CDH20: variants seen among roughly 807,000 people sequenced by gnomAD.
The protein encoded by CDH20 is cadherin-20.
A neutral mutation model predicts 74.2 loss-of-function variants in CDH20; 29 were observed. The observed-to-expected ratio is 0.39, with a 90% confidence interval of 0.29 to 0.53. The LOEUF (loss-of-function observed/expected upper bound fraction) is 0.53. Ranked by LOEUF, CDH20 falls within the 20% of genes least tolerant of loss-of-function variation. The probability of loss-of-function intolerance (pLI) is 0.69; values close to 1 mark genes in which losing one functional copy is unlikely to be tolerated. For synonymous variants in CDH20, 469 were observed against 405.4 expected, an observed-to-expected ratio of 1.16 and a Z score of -1.88; for missense variants, 988 against 1,048.3, an observed-to-expected ratio of 0.94 and a Z score of 0.79.
At chr18:61,549,230 C>T (rs1913351238) in intron 10 of CDH20, among the ~76,000 whole-genome samples, 2 of 152,228 alleles carry the variant, frequency 1.3e-5, no homozygotes, top group Non-Finnish European at 2.9e-5. Flanking sequence ...CACACACATA[C>T]ACATCCCAAC....
chr18:61,453,513 T>G (rs1358854101), intron 1 of CDH20, among the ~76,000 whole-genome samples: 1 of 152,096 alleles, frequency 6.6e-6, no homozygotes, highest in Non-Finnish European at 1.5e-5. Flanking sequence ...ACTCCTGACC[T>G]CGTGATCCGC....
intron 1 of CDH20, among the ~76,000 whole-genome samples, chr18:61,401,753 T>C (rs1451502003): frequency 2.6e-5 from 4 of 152,214 alleles, no homozygotes; most frequent in Admixed American, 1.3e-4. Context: ...AAACACAGCA[T>C]ACTTGAGCAA....
intron 1 of CDH20, among the ~76,000 whole-genome samples, chr18:61,470,112 G>C (rs1242578657): frequency 1.3e-5 from 2 of 152,056 alleles, no homozygotes; most frequent in African/African-American, 2.4e-5. Context: ...CTCTGCCGGC[G>C]GTCTGTGTGT....
In CDH20 at chr18:61,503,054, G is replaced by T; in HGVS notation, c.763G>T (p.Ala255Ser). 2 of 1,614,034 alleles carry T rather than the reference G, an allele frequency of 1.2e-6. No individual in the cohort carries two copies. The highest frequency in any genetic ancestry group is 1.7e-6 in the Non-Finnish European group (2 of 1,179,914). The change falls in exon 5 of 12, where the codon GCT (alanine) becomes TCT (serine). Residue 255 changes from alanine to serine, a missense_variant. This residue lies in a region of CDH20 where 613 missense variants were observed against 755.2 expected (regional missense o/e 0.81). Transcript: ENST00000262717. ...CATGGGAGGGCAGCTTGGAGGATTA[G>T]CTGGGACCACAACAGTCAACATCAC... is the stretch of plus-strand genomic sequence containing the variant. ...KDMGGQLGGL[A>S]GTTTVNITLS... is the part of the protein sequence containing the mutation.
chr18:61,454,869 T>G (rs750662201), intron 1 of CDH20, among the ~76,000 whole-genome samples: 1 of 152,194 alleles, frequency 6.6e-6, no homozygotes, highest in African/African-American at 2.4e-5. Context: ...AGGTGTTTAT[T>G]GGGTAGAGAC....
At chr18:61,467,492 A>G (rs976006729) in intron 1 of CDH20, among the ~76,000 whole-genome samples, 44 of 152,296 alleles carry the variant, frequency 2.9e-4, no homozygotes, top group African/African-American at 1.0e-3. Flanking sequence ...TGCAACTTCA[A>G]TCACTTTGAG....
chr18:61,493,199 C>T (rs1158010340), intron 2 of CDH20, among the ~76,000 whole-genome samples: 3 of 152,108 alleles, frequency 2.0e-5, no homozygotes, highest in Non-Finnish European at 2.9e-5. Flanking sequence ...CACGTGCAAT[C>T]GGTCCCCATA....
rs187899826 is a variant in CDH20, at chr18:61,340,925, A to C, written c.-153+7098A>C. ...CTTTTTAATTTGAAAGGTGTTGAGCACTAAAATAAGAGTAACAAAATAGAT... is the reference window on the plus strand; with the variant it reads ...CTTTTTAATTTGAAAGGTGTTGAGCCCTAAAATAAGAGTAACAAAATAGAT... On this transcript the variant is annotated intron_variant, in intron 1 of 11. Coordinates refer to ENST00000262717, the MANE Select transcript of CDH20 (RefSeq NM_031891.4). Among the ~76,000 whole-genome samples the C allele has an allele frequency of 5.3e-5, 8 of 152,356 alleles. No homozygotes were observed. In the East Asian group the frequency reaches 1.5e-3, roughly 29 times the overall value.
chr18:61,343,492 G>A (rs1447472323), intron 1 of CDH20, among the ~76,000 whole-genome samples: 1 of 152,136 alleles, frequency 6.6e-6, no homozygotes, highest in Non-Finnish European at 1.5e-5. Context: ...GGCAGACCCA[G>A]GATGCAAATT....
At chr18:61,355,732 G>T (rs1001217428) in intron 1 of CDH20, among the ~76,000 whole-genome samples, 1 of 152,106 alleles carries the variant, frequency 6.6e-6, no homozygotes, top group Non-Finnish European at 1.5e-5. Flanking sequence ...GCACTGTCAA[G>T]CCCTCAATAA....
chr18:61,423,337 C>A (rs1386694260), intron 1 of CDH20, among the ~76,000 whole-genome samples: 1 of 152,170 alleles, frequency 6.6e-6, no homozygotes, highest in Admixed American at 6.5e-5. Flanking sequence ...ACAGCCTGGA[C>A]CCTCTTCCTG....
intron 1 of CDH20, among the ~76,000 whole-genome samples, chr18:61,399,617 G>T (rs1195649045): frequency 6.6e-6 from 1 of 151,902 alleles, no homozygotes; most frequent in African/African-American, 2.4e-5. Context: ...TTTGTTCACT[G>T]ATCTTCACCT....
rs1013450823 is a variant in CDH20, at chr18:61,539,222, A to G, written c.1530+77A>G. The G allele has an allele frequency of 4.1e-6, 6 of 1,469,720 alleles. No individual in the cohort carries two copies. The African/African-American group carries it at 7.0e-5, about 17-fold the overall frequency. The allele number at this position is 1,469,720 out of a possible 1,614,324, so 91.0% of individuals were successfully genotyped here. A position where few individuals can be genotyped will look rare whatever the true frequency, so the allele number is the denominator to read the frequency against. On this transcript the variant is annotated intron_variant, in intron 9 of 11. Coordinates refer to ENST00000262717, the MANE Select transcript of CDH20 (RefSeq NM_031891.4). ...CAATTGTTAGATAACCAAATTCACCATCAAAGCCATTTTGACTCCAGAAAC... is the reference window on the plus strand; with the variant it reads ...CAATTGTTAGATAACCAAATTCACCGTCAAAGCCATTTTGACTCCAGAAAC...
chr18:61,385,803 GC>G (rs1277378841), intron 1 of CDH20, among the ~76,000 whole-genome samples: 1 of 151,826 alleles, frequency 6.6e-6, no homozygotes, highest in Non-Finnish European at 1.5e-5. Context: ...GGTGGCACGT[GC>G]TTGTAGTCCC....
intron 1 of CDH20, among the ~76,000 whole-genome samples, chr18:61,351,538 AAC>A (rs1439969499): frequency 6.6e-6 from 1 of 152,224 alleles, no homozygotes; most frequent in African/African-American, 2.4e-5. Flanking sequence ...GTGCATAGGA[AAC>A]ACACAATAAA....
intron 5 of CDH20, 134 bp from the exon 6 acceptor site, chr18:61,507,239 C>T (rs952386340): frequency 3.0e-5 from 23 of 763,168 alleles, no homozygotes; most frequent in Middle Eastern, 2.4e-4. Context: ...TAGTTTTTAT[C>T]TGTAAAAACT....
chr18:61,442,370 GA>G (rs35527064), intron 1 of CDH20, among the ~76,000 whole-genome samples: 6 of 142,280 alleles, frequency 4.2e-5, no homozygotes, highest in African/African-American at 1.3e-4. Context: ...AAAAAGAAAA[GA>G]AAAAAAAAAA....
intron 1 of CDH20, among the ~76,000 whole-genome samples, chr18:61,343,706 G>A (rs1910026733): frequency 1.3e-5 from 2 of 152,170 alleles, no homozygotes; most frequent in Admixed American, 6.5e-5. Context: ...TAGCCGACCT[G>A]ACACAGAAAA....
chr18:61,455,656 T>C (rs1017806028), intron 1 of CDH20, among the ~76,000 whole-genome samples: 5 of 152,138 alleles, frequency 3.3e-5, no homozygotes, highest in Non-Finnish European at 7.4e-5. Context: ...ATATGGCTAT[T>C]TATAAAACCA....
Sources: allele counts gnomAD v4.1 joint callset (sites outside exome capture counted in the v4.1 genomes callset), GRCh38; gene constraint gnomAD v4.1.1; regional missense constraint gnomAD v4.1.1; transcripts MANE v1.5; gene names NCBI Gene and HGNC (gene_info 2026-07-23, HGNC 2026-07-21).